Variants in RBFOX1 observed in about 807,000 individuals in gnomAD.
RBFOX1 encodes the protein RNA binding fox-1 homolog 1.
RBFOX1 carries 8 observed loss-of-function variants against 57.7 expected under a neutral mutation model. The ratio of observed to expected loss-of-function variants is 0.14; its 90% CI spans 0.08 to 0.25. The LOEUF is 0.25. Among genes scored for constraint, RBFOX1 ranks in the 10% least tolerant of loss-of-function variants. RBFOX1 has a pLI of 1.00. For synonymous variants in RBFOX1, 326 were observed against 222.4 expected (o/e 1.47, Z -4.15); for missense variants, 611 against 548.5 (o/e 1.11, Z -1.14).
At chr16:6,391,483 C>G (rs1045052446) in intron 2 of RBFOX1, among the ~76,000 whole-genome samples, 6 of 147,426 alleles carry the variant, frequency 4.1e-5, no homozygotes, top group African/African-American at 7.7e-5. Context: ...GCACTCCAGC[C>G]TGGGCAACAG....
intron 1 of RBFOX1, among the ~76,000 whole-genome samples, chr16:5,417,392 A>G (rs1486353682): frequency 1.3e-5 from 2 of 152,188 alleles, no homozygotes; most frequent in Non-Finnish European, 2.9e-5. Context: ...TGATTGACAA[A>G]GTCATTTCTT....
chr16:6,151,378 C>T (rs554947174), intron 1 of RBFOX1, among the ~76,000 whole-genome samples: 5 of 152,236 alleles, frequency 3.3e-5, no homozygotes, highest in African/African-American at 9.6e-5. Flanking sequence ...CTCTGCCTCC[C>T]GGATTCAAGC....
chr16:7,475,140 G>A (rs2062382624), intron 4 of RBFOX1, among the ~76,000 whole-genome samples: 1 of 152,076 alleles, frequency 6.6e-6, no homozygotes, highest in African/African-American at 2.4e-5. Context: ...TGTAGAGGTT[G>A]TCTTTCACGT....
At chr16:6,868,748 G>A (rs1056171902) in intron 3 of RBFOX1, among the ~76,000 whole-genome samples, 1 of 152,256 alleles carries the variant, frequency 6.6e-6, no homozygotes, top group South Asian at 2.1e-4. Flanking sequence ...TGAGATTATA[G>A]GCATGAGCCA....
intron 5 of RBFOX1, among the ~76,000 whole-genome samples, chr16:7,562,020 A>G (rs1457485870): frequency 6.7e-6 from 1 of 150,224 alleles, no homozygotes; most frequent in Non-Finnish European, 1.5e-5. Flanking sequence ...GGAGATGAGG[A>G]AAAAAAAAAT....
chr16:5,649,527 C>G (rs963709522), intron 3 of RBFOX1, among the ~76,000 whole-genome samples: 1 of 152,140 alleles, frequency 6.6e-6, no homozygotes, highest in Non-Finnish European at 1.5e-5. Flanking sequence ...TGTTATTGGT[C>G]TCTCCTAATA....
chr16:5,909,090 C>CTTTTTTTT lies in RBFOX1; in HGVS notation c.351+41768_351+41775dup, dbSNP rs3041577. Among the ~76,000 whole-genome samples, 145 of 116,376 alleles carry CTTTTTTTT rather than the reference C, an allele frequency of 1.2e-3. 25 individuals carry two copies. In the South Asian group the frequency reaches 0.022, roughly 18 times the overall value. 76.3% of individuals were successfully genotyped at this position (116,376 alleles called of 152,430 possible). ...ATCGGCTCCAACAGACTAAGCCCCC[C>CTTTTTTTT]TTTTTTTTTTTTTTTTTTTTGAGAC... On this transcript the variant is annotated intron_variant, in intron 4 of 19. Coordinates refer to the RBFOX1 transcript ENST00000641259.
At chr16:7,588,772 AT>A (rs923128523) in intron 7 of RBFOX1, among the ~76,000 whole-genome samples, 1 of 151,342 alleles carries the variant, frequency 6.6e-6, no homozygotes, top group Non-Finnish European at 1.5e-5. Flanking sequence ...CAAACCTTTG[AT>A]TTTTTTTTCT....
chr16:5,712,214 C>G lies in RBFOX1; in HGVS notation c.318+113253C>G, dbSNP rs369421617. On this transcript the variant is annotated intron_variant, in intron 3 of 19. Transcript: ENST00000641259. ...CCACCAGGTCCCTTCTTCAACACCTCAACACCTGGGGATTACCATTTGAGA... is the reference window on the plus strand; with the variant it reads ...CCACCAGGTCCCTTCTTCAACACCTGAACACCTGGGGATTACCATTTGAGA... 3.9e-5 allele frequency among the ~76,000 whole-genome samples: 6 copies of G among 152,334 alleles called. No homozygotes were observed. In the East Asian group the frequency reaches 7.7e-4, roughly 20 times the overall value.
At chr16:6,023,267 C>CTATA (rs58852639) in intron 1 of RBFOX1, among the ~76,000 whole-genome samples, 4,271 of 147,584 alleles carry the variant, frequency 0.029, 194 homozygotes, top group African/African-American at 0.097. Context: ...ATAATTGAAG[C>CTATA]TATATATATA....
rs546359256 is a variant in RBFOX1, at chr16:6,713,491, T to A, written c.-16+58841T>A. 9.9e-5 allele frequency among the ~76,000 whole-genome samples: 15 copies of A among 152,244 alleles called. 1 individual carries two copies. The South Asian group carries it at 3.1e-3, about 32-fold the overall frequency. ...GGGGTCTGTCCTGTGCATTGTAGGA[T>A]GTTGAGGAGCATCCCTGGCCTCTAC... is the stretch of plus-strand genomic sequence containing the variant. On this transcript the variant is annotated intron_variant, in intron 3 of 15. Coordinates refer to ENST00000550418, the MANE Select transcript of RBFOX1 (RefSeq NM_018723.4).
intron 1 of RBFOX1, among the ~76,000 whole-genome samples, chr16:5,299,755 C>T (rs568399391): frequency 2.0e-5 from 3 of 152,034 alleles, no homozygotes; most frequent in Non-Finnish European, 4.4e-5. Context: ...AGTTTTTCTT[C>T]TTTTCCTTGT....
intron 3 of RBFOX1, chr16:5,611,171 C>T (rs528644883): frequency 2.0e-5 from 3 of 152,440 alleles, no homozygotes; most frequent in East Asian, 3.9e-4. Flanking sequence ...CCCTGCCTGC[C>T]TTCCCCTGAA....
intron 3 of RBFOX1, among the ~76,000 whole-genome samples, chr16:7,029,526 T>G (rs1481109901): frequency 1.3e-5 from 2 of 151,962 alleles, no homozygotes; most frequent in Non-Finnish European, 1.5e-5. Flanking sequence ...GAGTGCTAGC[T>G]CTTAAGAAAT....
intron 1 of RBFOX1, among the ~76,000 whole-genome samples, chr16:5,403,445 G>A (rs545016013): frequency 6.6e-6 from 1 of 151,774 alleles, no homozygotes. Context: ...TGATGTTTCT[G>A]TTTCTGTTTG....
chr16:6,671,680 G>T (rs867751542), intron 3 of RBFOX1, among the ~76,000 whole-genome samples: 1 of 152,112 alleles, frequency 6.6e-6, no homozygotes, highest in South Asian at 2.1e-4. Flanking sequence ...CATCCTCATA[G>T]CTTAGCTCCC....
At chr16:6,230,609 AGCAGAAGT>A (rs2152902165) in intron 1 of RBFOX1, among the ~76,000 whole-genome samples, 1 of 152,294 alleles carries the variant, frequency 6.6e-6, no homozygotes, top group African/African-American at 2.4e-5. Flanking sequence ...TGGAGGAGTG[AGCAGAAGT>A]ATAAAGAGGT....
At chr16:6,985,758 C>A (rs193240649) in intron 3 of RBFOX1, among the ~76,000 whole-genome samples, 1 of 145,476 alleles carries the variant, frequency 6.9e-6, no homozygotes, top group African/African-American at 2.6e-5. Flanking sequence ...TGCTTGAACC[C>A]AGGAGGCAGA....
At chr16:7,175,505 A>G (rs1353241936) in intron 4 of RBFOX1, among the ~76,000 whole-genome samples, 13 of 152,116 alleles carry the variant, frequency 8.5e-5, no homozygotes, top group Non-Finnish European at 1.9e-4. Context: ...CTGCCTGGTC[A>G]TACTCATTGA....
Sources: allele counts gnomAD v4.1 joint callset (sites outside exome capture counted in the v4.1 genomes callset), GRCh38; gene constraint gnomAD v4.1.1; transcripts MANE v1.5; gene names NCBI Gene and HGNC (gene_info 2026-07-23, HGNC 2026-07-21).